PPARG: variants seen among roughly 807,000 people sequenced by gnomAD.
PPARG encodes the protein peroxisome proliferator activated receptor gamma.
Under a neutral mutation model 39.2 loss-of-function variants are expected in PPARG, and 17 were observed. The ratio of observed to expected loss-of-function variants is 0.43; its 90% CI spans 0.30 to 0.65. The LOEUF (loss-of-function observed/expected upper bound fraction) is 0.65. Among genes scored for constraint, PPARG ranks in the 30% least tolerant of loss-of-function variants. PPARG has a pLI of 0.13. For missense variants in PPARG, 406 were observed against 585.9 expected (o/e 0.69, Z 3.17); for synonymous variants, 223 against 215.7 (o/e 1.03, Z -0.30).
chr3:12,287,951 G>T (rs1434191119), upstream of PPARG: 1 of 148,626 alleles, frequency 6.7e-6, no homozygotes, highest in Non-Finnish European at 1.5e-5. Flanking sequence ...CCGAGCCGCA[G>T]CCGCCGCCTG....
In PPARG at chr3:12,314,244, T is replaced by C. The variant is rs1574973998; in HGVS notation, c.-9+1791T>C. Among the ~76,000 whole-genome samples, 4 of 152,246 alleles carry C rather than the reference T, an allele frequency of 2.6e-5. No individual in the cohort carries two copies. The South Asian group carries it at 8.3e-4, about 32-fold the overall frequency. On this transcript the variant is annotated intron_variant, in intron 2 of 7. Transcript: ENST00000651735. Reference sequence around the variant, plus strand: ...GTGAGCTGAGATCGCACCACTGTACTACAGCCTGAGCAACAGCAAGACTCC... The same window carrying C: ...GTGAGCTGAGATCGCACCACTGTACCACAGCCTGAGCAACAGCAAGACTCC...
intron 1 of PPARG, among the ~76,000 whole-genome samples, chr3:12,308,637 C>T (rs1277467979): frequency 2.0e-5 from 3 of 151,930 alleles, no homozygotes; most frequent in African/African-American, 7.3e-5. Flanking sequence ...TGATTCATGC[C>T]CATGGTATCT....
intron 2 of PPARG, among the ~76,000 whole-genome samples, chr3:12,326,366 A>G (rs967423063): frequency 8.7e-5 from 13 of 148,734 alleles, no homozygotes; most frequent in African/African-American, 2.7e-4. Context: ...CAGCAAGCCA[A>G]CTTTTAACTT....
intron 2 of PPARG, among the ~76,000 whole-genome samples, chr3:12,354,327 C>G (rs2048585011): frequency 6.6e-6 from 1 of 152,172 alleles, no homozygotes; most frequent in South Asian, 2.1e-4. Context: ...TAACAGAATA[C>G]ACAGGATTAA....
At chr3:12,357,463 C>A (rs1481892791) in intron 2 of PPARG, among the ~76,000 whole-genome samples, 1 of 152,134 alleles carries the variant, frequency 6.6e-6, no homozygotes, top group African/African-American at 2.4e-5. Context: ...TCAAATCTTA[C>A]CTTAGAGTGA....
Position 12,434,296 on chromosome 3 carries a change from GAC to G in PPARG, c.*155_*156del, listed in dbSNP as rs2051786411. On this transcript the variant is annotated 3_prime_UTR_variant, in exon 8 of 8. Transcript: ENST00000651735. This position sits in a 1 kb window ranked among gnomAD's most constrained non-coding sequence, Gnocchi z 4.2. ...CTATTTTATGCATATTGTTTATAAA[GAC>G]ACATTTACAATTTACTTTTAATATT... The G allele has an allele frequency of 9.9e-7, 1 of 1,006,050 alleles. No individual in the cohort carries two copies. Among genetic ancestry groups the G allele is most frequent in the Non-Finnish European group, 1.5e-6 (1 of 678,464 alleles). The allele number at this position is 1,006,050 out of a possible 1,614,324, so 62.3% of individuals were successfully genotyped here.
chr3:12,307,773 T>C (rs2047112214), intron 1 of PPARG, among the ~76,000 whole-genome samples: 1 of 152,230 alleles, frequency 6.6e-6, no homozygotes, highest in African/African-American at 2.4e-5. Context: ...TAAGCTGAAT[T>C]TTCTTTAATG....
At chr3:12,385,071 A>C (rs2049823449) in intron 4 of PPARG, among the ~76,000 whole-genome samples, 1 of 152,180 alleles carries the variant, frequency 6.6e-6, no homozygotes, top group Non-Finnish European at 1.5e-5. Flanking sequence ...AGTGGCTGTC[A>C]GTAAAGACAT....
At chr3:12,368,184 T>TA (rs1184078968) in intron 2 of PPARG, among the ~76,000 whole-genome samples, 1 of 53,776 alleles carries the variant, frequency 1.9e-5, no homozygotes, top group African/African-American at 4.1e-5. Flanking sequence ...TTTCTTTTTC[T>TA]TTTTTGTTTT....
chr3:12,338,508 A>G (rs1353632568), intron 2 of PPARG, among the ~76,000 whole-genome samples: 1 of 152,240 alleles, frequency 6.6e-6, no homozygotes, highest in East Asian at 1.9e-4. Context: ...AATGTAACTT[A>G]AATATGTGTA....
At chr3:12,302,361 A>G (rs987258708) in intron 1 of PPARG, among the ~76,000 whole-genome samples, 9 of 152,204 alleles carry the variant, frequency 5.9e-5, no homozygotes, top group Non-Finnish European at 1.2e-4. Flanking sequence ...AGAGAAAGGA[A>G]AGGGGGAGTG....
intron 7 of PPARG, among the ~76,000 whole-genome samples, chr3:12,432,590 C>G (rs2125320879): frequency 6.6e-6 from 1 of 152,270 alleles, no homozygotes; most frequent in South Asian, 2.1e-4. Context: ...ACAAGAATTG[C>G]TACTATTGCT....
intron 2 of PPARG, among the ~76,000 whole-genome samples, chr3:12,367,754 G>C (rs1393471875): frequency 6.6e-6 from 1 of 151,464 alleles, no homozygotes; most frequent in Admixed American, 6.6e-5. Context: ...AATGCCTGTG[G>C]TCCCAGCTAC....
At chr3:12,377,205 A>G (rs972178220) in intron 2 of PPARG, among the ~76,000 whole-genome samples, 9 of 152,190 alleles carry the variant, frequency 5.9e-5, no homozygotes, top group African/African-American at 2.2e-4. Context: ...TATTGGGCAA[A>G]TGATTCATGA....
intron 2 of PPARG, among the ~76,000 whole-genome samples, chr3:12,322,282 GTTATTGGCAT>G (rs2047568765): frequency 6.6e-6 from 1 of 152,162 alleles, no homozygotes; most frequent in Admixed American, 6.5e-5. Context: ...GACTAGACTA[GTTATTGGCAT>G]TTAAATTTTT....
rs576765787 is a variant in PPARG at position 12,409,448 on chromosome 3, C to T, written c.729+3367C>T. On this transcript the variant is annotated intron_variant, in intron 6 of 7. Transcript: ENST00000651735. ...AAAAAAACCAAAATGTGATTTCCAACGAGACTAGAGATTTGTTCTTTATCT... is the reference window on the plus strand; with the variant it reads ...AAAAAAACCAAAATGTGATTTCCAATGAGACTAGAGATTTGTTCTTTATCT... Among the ~76,000 whole-genome samples, 6 of 151,690 alleles carry T rather than the reference C, an allele frequency of 4.0e-5. No homozygotes were observed. The South Asian group carries it at 8.3e-4, about 21-fold the overall frequency.
chr3:12,345,382 G>A (rs2048297163), intron 2 of PPARG, among the ~76,000 whole-genome samples: 1 of 152,150 alleles, frequency 6.6e-6, no homozygotes, highest in Admixed American at 6.5e-5. Context: ...CATTTTCATA[G>A]GTAATTCCTC....
chr3:12,307,015 G>A (rs757876802), intron 1 of PPARG, among the ~76,000 whole-genome samples: 2 of 149,632 alleles, frequency 1.3e-5, no homozygotes, highest in South Asian at 2.1e-4. Flanking sequence ...GGAGAATGGC[G>A]TGAACCCGGG....
chr3:12,414,120 T>C (rs967529680), intron 6 of PPARG, among the ~76,000 whole-genome samples: 2 of 152,038 alleles, frequency 1.3e-5, no homozygotes, highest in Non-Finnish European at 1.5e-5. Flanking sequence ...TACATGGAGG[T>C]GAAAGAATTT....
Sources: gnomAD v4.1 joint callset for allele counts (sites outside exome capture counted in the v4.1 genomes callset) on GRCh38, gnomAD v4.1.1 for gene constraint, Gnocchi (gnomAD v3.1) non-coding constraint, MANE v1.5 for transcripts, NCBI Gene and HGNC (gene_info 2026-07-23, HGNC 2026-07-21) for gene names.